Variants in UNKL observed in about 807,000 individuals in gnomAD.
The protein encoded by UNKL is putative E3 ubiquitin-protein ligase UNKL.
A neutral mutation model predicts 78.0 loss-of-function variants in UNKL; 60 were observed. The observed-to-expected ratio is 0.77, with a 90% confidence interval of 0.63 to 0.95. The LOEUF (loss-of-function observed/expected upper bound fraction) is 0.95. UNKL is among the 40% of genes least tolerant of loss of function. The pLI, the probability that UNKL is intolerant of heterozygous loss-of-function variation, is 0.00. For synonymous variants in UNKL, 608 were observed against 474.8 expected, an observed-to-expected ratio of 1.28 and a Z score of -3.65; for missense variants, 1,159 against 1,045.7, an observed-to-expected ratio of 1.11 and a Z score of -1.49.
At chr16:1,405,553 G>A (rs1243276735) in intron 2 of UNKL, among the ~76,000 whole-genome samples, 1 of 151,764 alleles carries the variant, frequency 6.6e-6, no homozygotes, top group Admixed American at 6.6e-5. Flanking sequence ...TCCAGGCTGG[G>A]TGACAAGGGC....
intron 9 of UNKL, among the ~76,000 whole-genome samples, chr16:1,385,820 T>TG (rs1415258718): frequency 3.3e-5 from 5 of 152,328 alleles, no homozygotes; most frequent in Non-Finnish European, 7.4e-5. Context: ...CTGAGCACCT[T>TG]GGGGGGCCCC....
chr16:1,374,888 A>T (rs1342018516), intron 10 of UNKL, among the ~76,000 whole-genome samples: 2 of 152,236 alleles, frequency 1.3e-5, no homozygotes, highest in Non-Finnish European at 2.9e-5. Context: ...TTTTCAGCAT[A>T]ATCAGCAGGA....
chr16:1,376,527 G>A (rs752779688), intron 10 of UNKL, among the ~76,000 whole-genome samples: 20 of 152,220 alleles, frequency 1.3e-4, no homozygotes, highest in Non-Finnish European at 2.8e-4. Flanking sequence ...TGGCAGCTGC[G>A]TGGCTCCAGT....
rs1383396353 is a variant in UNKL at position 1,399,572 on chromosome 16, C to A, written c.599-63G>T. On this transcript the variant is annotated intron_variant, in intron 4 of 14. Coordinates refer to ENST00000389221, the MANE Select transcript of UNKL (RefSeq NM_001372107.1). The surrounding 1 kb of genome is among the most constrained non-coding windows in gnomAD (Gnocchi z 5.8). The stretch of plus-strand genomic sequence containing the variant: ...TGGAAGCAATGCTGGGCAGAGGAGA[C>A]CAAAGGTGGAAGGACCTGGCTGTCC... 17 of 1,545,012 alleles carry A rather than the reference C, an allele frequency of 1.1e-5. No homozygotes were observed. The highest frequency in any genetic ancestry group is 1.4e-5 in the Non-Finnish European group (16 of 1,149,352).
rs1460896072 is a variant in UNKL at position 1,370,441 on chromosome 16, G to A, written c.1358-84C>T. ...GCCATGGGCGGCAGCCGTGGAAGACGGACCCTGCAGGTGGTGGTGGTGGGG... is the reference window on the plus strand; with the variant it reads ...GCCATGGGCGGCAGCCGTGGAAGACAGACCCTGCAGGTGGTGGTGGTGGGG... On this transcript the variant is annotated intron_variant, in intron 11 of 14. Coordinates refer to ENST00000389221, the MANE Select transcript of UNKL (RefSeq NM_001372107.1). 7.3e-6 allele frequency: 11 copies of A among 1,501,154 alleles called. No individual in the cohort carries two copies. In the East Asian group the frequency reaches 1.0e-4, roughly 14 times the overall value. 93.0% of individuals were successfully genotyped at this position (1,501,154 alleles called of 1,614,324 possible). A position where few individuals can be genotyped will look rare whatever the true frequency, so the allele number is the denominator to read the frequency against.
chr16:1,413,505 C>T (rs138923541), intron 2 of UNKL, among the ~76,000 whole-genome samples: 17,182 of 152,000 alleles, frequency 0.11, 1,140 homozygotes, highest in Middle Eastern at 0.22. Flanking sequence ...GAGGTAGAGG[C>T]TGCAGTGAGC....
At chr16:1,371,982 T>C (rs147380236) in intron 10 of UNKL, among the ~76,000 whole-genome samples, 57 of 151,794 alleles carry the variant, frequency 3.8e-4, no homozygotes, top group African/African-American at 8.0e-4. Flanking sequence ...CAGGGCCGGG[T>C]GCGGTGGCTC....
In UNKL at chr16:1,364,614, A is replaced by G. The variant is rs1208750952; in HGVS notation, c.*1626T>C. 6.6e-6 allele frequency: 1 copy of G among 152,276 alleles called. No individual in the cohort carries two copies. The highest frequency in any genetic ancestry group is 1.5e-5 in the Non-Finnish European group (1 of 68,110). The allele number at this position is 152,276 out of a possible 1,614,324, so 9.4% of individuals were successfully genotyped here. A position where few individuals can be genotyped will look rare whatever the true frequency, so the allele number is the denominator to read the frequency against. On this transcript the variant is annotated 3_prime_UTR_variant, in exon 15 of 15. Transcript: ENST00000389221. ...TCACGTTTCTGCTGCGGCCGAAACC[A>G]CACTGTCGCTCCAGGGGCAGACGGG...
Position 1,390,569 on chromosome 16 carries a change from G to A in UNKL, c.1086+63C>T, listed in dbSNP as rs2037005590. 6.6e-6 allele frequency: 10 copies of A among 1,510,982 alleles called. No individual in the cohort carries two copies. In the Admixed American group the frequency reaches 1.2e-4, roughly 18 times the overall value. 93.6% of individuals were successfully genotyped at this position (1,510,982 alleles called of 1,614,324 possible). A position where few individuals can be genotyped will look rare whatever the true frequency, so the allele number is the denominator to read the frequency against. ...GCGATGCCACGGGTCAGGCACGAGG[G>A]CGGGAAGCCTCAGCCCTAACGCGAC... On this transcript the variant is annotated intron_variant, in intron 9 of 14. Coordinates refer to ENST00000389221, the MANE Select transcript of UNKL (RefSeq NM_001372107.1).
rs575095873 is a variant in UNKL at position 1,393,689 on chromosome 16, CGGACAGACCCCCTCTCTCCACAAGGGA to C, written c.937+415_937+441del. Among the ~76,000 whole-genome samples, 266 of 152,334 alleles carry C rather than the reference CGGACAGACCCCCTCTCTCCACAAGGGA, an allele frequency of 1.7e-3. 3 individuals are homozygous for C. Among genetic ancestry groups the C allele is most frequent in the African/African-American group, 5.6e-3 (231 of 41,578 alleles). On this transcript the variant is annotated intron_variant, in intron 7 of 14. Transcript: ENST00000389221. ...TCTCTGCTGTCTCCCCGAGCTGGGG[CGGACAGACCCCCTCTCTCCACAAGGGA>C]GGTGGTGCTCCTGGGTGGGTGCCTG...
At chr16:1,382,836 T>C (rs1223609086) in intron 10 of UNKL, among the ~76,000 whole-genome samples, 1 of 151,962 alleles carries the variant, frequency 6.6e-6, no homozygotes, top group Non-Finnish European at 1.5e-5. Context: ...CAGGCGCCTA[T>C]AGTCCCAGCT....
chr16:1,394,223 A>G lies in UNKL; in HGVS notation c.853-8T>C. ...TTTTGTAGATTTGTAGATCTGGGGAAAAAAGTGAAATAAAGAGGTTGGATT... is the reference window on the plus strand; with the variant it reads ...TTTTGTAGATTTGTAGATCTGGGGAGAAAAGTGAAATAAAGAGGTTGGATT... On this transcript the variant is annotated splice_region_variant and splice_polypyrimidine_tract_variant and intron_variant, in intron 6 of 14. Transcript: ENST00000389221. The G allele has an allele frequency of 6.4e-7, 1 of 1,550,562 alleles. No homozygotes were observed. Among genetic ancestry groups the G allele is most frequent in the Non-Finnish European group, 8.7e-7 (1 of 1,146,958 alleles).
chr16:1,379,382 C>A (rs79378930), intron 10 of UNKL, among the ~76,000 whole-genome samples: 11,555 of 152,018 alleles, frequency 0.076, 964 homozygotes, highest in East Asian at 0.47. Flanking sequence ...AGCTAGGGGA[C>A]GCAGGCGGCC....
chr16:1,372,272 C>A (rs928366838), intron 10 of UNKL, among the ~76,000 whole-genome samples: 4 of 151,386 alleles, frequency 2.6e-5, no homozygotes, highest in African/African-American at 7.3e-5. Context: ...TCAAAAAAAA[C>A]AAAAACAAAA....
Position 1,367,244 on chromosome 16 carries a change from G to A in UNKL, c.1894C>T (p.Gln632Ter). Reference protein sequence around the residue: ...ALQKKEEVEAQVKQLQEELEG... With the variant: ...ALQKKEEVEA ...AGCTCCTCCTGCAGCTGCTTCACCT[G>A]TGCCTCCACCTCCTCCTTCTTCTGC... Residue 632 changes from glutamine to a stop codon, truncating the protein, a stop_gained, in exon 14 of 15, where the codon CAG (glutamine) becomes TAG (stop). Coordinates refer to ENST00000389221, the MANE Select transcript of UNKL (RefSeq NM_001372107.1). LOFTEE classifies it high-confidence loss of function. 6.3e-7 allele frequency: 1 copy of A among 1,593,078 alleles called. No individual in the cohort carries two copies. Among genetic ancestry groups the A allele is most frequent in the Admixed American group, 1.7e-5 (1 of 58,090 alleles).
intron 10 of UNKL, among the ~76,000 whole-genome samples, chr16:1,382,923 C>T (rs1441774078): frequency 6.8e-6 from 1 of 146,078 alleles, no homozygotes; most frequent in Non-Finnish European, 1.5e-5. Context: ...GTGCCACTGC[C>T]CTCCAGTCTG....
At chr16:1,388,499 AC>A (rs564786380) in intron 9 of UNKL, among the ~76,000 whole-genome samples, 57 of 151,880 alleles carry the variant, frequency 3.8e-4, no homozygotes, top group African/African-American at 1.4e-3. Flanking sequence ...GCCCTGAGTG[AC>A]CCCCCAGACC....
rs2035224014 is a variant in UNKL, at chr16:1,366,029, CG to C, written c.*210del. The C allele has an allele frequency of 6.0e-6, 3 of 496,340 alleles. No homozygotes were observed. Among genetic ancestry groups the C allele is most frequent in the South Asian group, 1.0e-4 (2 of 19,808 alleles). 30.7% of individuals were successfully genotyped at this position (496,340 alleles called of 1,614,324 possible). The stretch of plus-strand genomic sequence containing the variant: ...TTTGAGGAAAATACCTTGAAACCGT[CG>C]GTAGGACTAGATAGGTGACAACGTG... On this transcript the variant is annotated 3_prime_UTR_variant, in exon 15 of 15. Transcript: ENST00000389221.
intron 2 of UNKL, chr16:1,405,995 C>T (rs1365605822): frequency 6.6e-6 from 3 of 456,592 alleles, no homozygotes; most frequent in Non-Finnish European, 1.3e-5. Flanking sequence ...GGCCCGTGGC[C>T]CATGTGGTCC....
Sources: gnomAD v4.1 joint callset for allele counts (sites outside exome capture counted in the v4.1 genomes callset) on GRCh38, gnomAD v4.1.1 for gene constraint, Gnocchi (gnomAD v3.1) non-coding constraint, MANE v1.5 for transcripts, NCBI Gene and HGNC (gene_info 2026-07-23, HGNC 2026-07-21) for gene names.